The following RGL1 variants were observed in gnomAD, a reference collection of about 807,000 sequenced individuals.
The protein encoded by RGL1 is ral guanine nucleotide dissociation stimulator like 1, also known as ral guanine nucleotide dissociation stimulator-like 1.
Under a neutral mutation model 95.2 loss-of-function variants are expected in RGL1, and 24 were observed. That is an observed-to-expected ratio of 0.25 (90% CI 0.18 to 0.35). The LOEUF is 0.35. Ranked by LOEUF, RGL1 falls within the 10% of genes least tolerant of loss-of-function variation. RGL1 has a pLI of 1.00. For synonymous variants in RGL1, 329 were observed against 344.9 expected, an observed-to-expected ratio of 0.95 and a Z score of 0.51; for missense variants, 715 against 936.3, an observed-to-expected ratio of 0.76 and a Z score of 3.08.
intron 11 of RGL1, among the ~76,000 whole-genome samples, chr1:183,901,242 T>G (rs1668000603): frequency 6.6e-6 from 1 of 151,952 alleles, no homozygotes; most frequent in Non-Finnish European, 1.5e-5. Context: ...GAGGTTGCAG[T>G]GAGCCGAGAT....
chr1:183,766,040 C>T (rs948952268), intron 2 of RGL1, among the ~76,000 whole-genome samples: 27 of 151,694 alleles, frequency 1.8e-4, no homozygotes, highest in Admixed American at 1.6e-3. Flanking sequence ...ATGTAACAAA[C>T]CTGCACGTTG....
chr1:183,723,334 C>T (rs1656123725), intron 1 of RGL1, among the ~76,000 whole-genome samples: 1 of 152,144 alleles, frequency 6.6e-6, no homozygotes, highest in South Asian at 2.1e-4. Context: ...TAAAAAAACA[C>T]CTTCGTAAGG....
chr1:183,859,226 G>A (rs1447121347), intron 3 of RGL1, among the ~76,000 whole-genome samples: 7 of 152,226 alleles, frequency 4.6e-5, no homozygotes, highest in African/African-American at 1.4e-4. Flanking sequence ...ACCAAGCTCT[G>A]AGTGCAGGAA....
chr1:183,688,032 T>A (rs1271373898), intron 1 of RGL1, among the ~76,000 whole-genome samples: 1 of 152,174 alleles, frequency 6.6e-6, no homozygotes, highest in Non-Finnish European at 1.5e-5. Context: ...ACCTTGGATG[T>A]CTTGCTTCTG....
chr1:183,809,620 T>A (rs1480430114), intron 2 of RGL1, among the ~76,000 whole-genome samples: 1 of 152,138 alleles, frequency 6.6e-6, no homozygotes, highest in Admixed American at 6.5e-5. Flanking sequence ...TCACAAAATT[T>A]AAAAAATCTT....
intron 6 of RGL1, among the ~76,000 whole-genome samples, chr1:183,884,398 TGTCA>T (rs746880819): frequency 1.3e-5 from 2 of 152,334 alleles, no homozygotes; most frequent in Non-Finnish European, 2.9e-5. Context: ...TATTTGAGTA[TGTCA>T]GTCAGATTTC....
rs35090355 is a variant in RGL1, at chr1:183,819,784, C to CT, written c.138+13315dup. On this transcript the variant is annotated intron_variant, in intron 2 of 17. Coordinates refer to ENST00000360851, the MANE Select transcript of RGL1 (RefSeq NM_001297671.3). ...AAAAGAGTGTTGAAGCAACATTATA[C>CT]TTTTTTTTTTTTTTTTAAGAGACAG... Among the ~76,000 whole-genome samples the CT allele has an allele frequency of 5.6e-3, 799 of 142,722 alleles. 2 individuals carry two copies. The highest frequency in any genetic ancestry group is 8.8e-3 in the African/African-American group (340 of 38,482). 93.6% of individuals were successfully genotyped at this position (142,722 alleles called of 152,430 possible). A position where few individuals can be genotyped will look rare whatever the true frequency, so the allele number is the denominator to read the frequency against.
At chr1:183,783,762 C>T (rs1572407043) in intron 2 of RGL1, among the ~76,000 whole-genome samples, 1 of 152,212 alleles carries the variant, frequency 6.6e-6, no homozygotes, top group East Asian at 1.9e-4. Flanking sequence ...TAATGAGCCA[C>T]AGGAGTTCAG....
chr1:183,674,529 A>G (rs1351559694), intron 1 of RGL1, among the ~76,000 whole-genome samples: 1 of 152,242 alleles, frequency 6.6e-6, no homozygotes, highest in Non-Finnish European at 1.5e-5. Context: ...GAAAGCATCC[A>G]GAGAACTCTT....
intron 1 of RGL1, among the ~76,000 whole-genome samples, chr1:183,716,082 A>G (rs1399153208): frequency 6.6e-6 from 1 of 152,208 alleles, no homozygotes; most frequent in African/African-American, 2.4e-5. Flanking sequence ...AATCTTATCT[A>G]GAAACACTCT....
chr1:183,711,749 T>TC (rs1441515376), intron 1 of RGL1, among the ~76,000 whole-genome samples: 1 of 151,774 alleles, frequency 6.6e-6, no homozygotes, highest in Non-Finnish European at 1.5e-5. Context: ...TCATTAAGTT[T>TC]CTCACAAGCA....
rs540138743 is a variant in RGL1, at chr1:183,725,229, A to C, written c.-32-16897A>C. 4.2e-4 allele frequency among the ~76,000 whole-genome samples: 64 copies of C among 152,274 alleles called. 1 individual carries two copies. In the South Asian group the frequency reaches 0.013, roughly 30 times the overall value. ...AGATGACAATATCCAAGTTCCTTTGAATACCTGGTAAGCTTTCCCAGGAAG... is the reference window on the plus strand; with the variant it reads ...AGATGACAATATCCAAGTTCCTTTGCATACCTGGTAAGCTTTCCCAGGAAG... On this transcript the variant is annotated intron_variant, in intron 1 of 18. Transcript: ENST00000304685.
intron 2 of RGL1, among the ~76,000 whole-genome samples, chr1:183,750,324 A>G (rs1657913182): frequency 1.3e-5 from 2 of 151,974 alleles, no homozygotes; most frequent in African/African-American, 2.4e-5. Context: ...TTCAATCTCT[A>G]ATATCCTTTC....
chr1:183,916,264 C>T (rs892230125), intron 15 of RGL1, among the ~76,000 whole-genome samples, 183 bp from the exon 16 acceptor site: 8 of 152,212 alleles, frequency 5.3e-5, no homozygotes, highest in African/African-American at 1.9e-4. Context: ...CACCGATAGG[C>T]ATCTACCACT....
intron 4 of RGL1, among the ~76,000 whole-genome samples, chr1:183,877,791 C>T (rs1195235470): frequency 2.0e-5 from 3 of 152,138 alleles, no homozygotes; most frequent in Non-Finnish European, 4.4e-5. Flanking sequence ...ATGTATAGAT[C>T]GCCAGAGTTC....
chr1:183,800,371 G>A (rs547119222), upstream of RGL1, among the ~76,000 whole-genome samples: 187 of 152,190 alleles, frequency 1.2e-3, no homozygotes, highest in Middle Eastern at 3.4e-3. Flanking sequence ...TATTGGCTCT[G>A]GTAAAACTGT....
At chr1:183,882,184 A>G (rs1199087575) in intron 5 of RGL1, among the ~76,000 whole-genome samples, 1 of 152,274 alleles carries the variant, frequency 6.6e-6, no homozygotes, top group African/African-American at 2.4e-5. Context: ...CTGGAGGAGA[A>G]TCAAAAGCAG....
intron 2 of RGL1, among the ~76,000 whole-genome samples, chr1:183,799,600 T>C (rs1431117347): frequency 6.6e-6 from 1 of 152,238 alleles, no homozygotes; most frequent in Non-Finnish European, 1.5e-5. Context: ...TTTGTCAGTC[T>C]TCTTTGGAAA....
chr1:183,690,304 A>G (rs181955115), intron 1 of RGL1, among the ~76,000 whole-genome samples: 2 of 152,354 alleles, frequency 1.3e-5, no homozygotes, highest in Admixed American at 1.3e-4. Flanking sequence ...GCAGTTTTCC[A>G]GGGAGAATTC....
Sources: gnomAD v4.1 joint callset for allele counts (sites outside exome capture counted in the v4.1 genomes callset) on GRCh38, gnomAD v4.1.1 for gene constraint, MANE v1.5 for transcripts, NCBI Gene and HGNC (gene_info 2026-07-23, HGNC 2026-07-21) for gene names.